NRG3: variants seen among roughly 807,000 people sequenced by gnomAD.
The protein encoded by NRG3 is neuregulin 3, also known as pro-neuregulin-3, membrane-bound isoform.
NRG3 carries 31 observed loss-of-function variants against 66.9 expected under a neutral mutation model. That is an observed-to-expected ratio of 0.46 (90% CI 0.35 to 0.63). The LOEUF is 0.63. NRG3 is among the 20% of genes least tolerant of loss of function. NRG3 has a pLI of 0.00. For synonymous variants in NRG3, 393 were observed against 359.4 expected, an observed-to-expected ratio of 1.09 and a Z score of -1.06; for missense variants, 910 against 878.9, an observed-to-expected ratio of 1.04 and a Z score of -0.45.
At chr10:82,360,614 C>T (rs1485815334) in intron 2 of NRG3, among the ~76,000 whole-genome samples, 5 of 152,118 alleles carry the variant, frequency 3.3e-5, no homozygotes, top group Non-Finnish European at 7.3e-5. Context: ...ATGCTGTATT[C>T]TTCATTACTT....
intron 2 of NRG3, among the ~76,000 whole-genome samples, chr10:82,696,750 A>AG (rs2055415690): frequency 6.6e-6 from 1 of 152,150 alleles, no homozygotes; most frequent in Non-Finnish European, 1.5e-5. Context: ...TGCTCACAGG[A>AG]GTGTGTTCAA....
chr10:82,983,679 T>G (rs1853155777), intron 8 of NRG3, among the ~76,000 whole-genome samples: 2 of 152,176 alleles, frequency 1.3e-5, no homozygotes, highest in East Asian at 3.8e-4. Context: ...AAAAATAAAA[T>G]GAGTTAATTG....
chr10:82,315,707 C>T (rs1345918551), intron 1 of NRG3, among the ~76,000 whole-genome samples: 1 of 150,870 alleles, frequency 6.6e-6, no homozygotes, highest in South Asian at 2.1e-4. Context: ...ACTCTGTCGC[C>T]GAGGCTGGAG....
chr10:82,540,464 A>G (rs1167096555), intron 2 of NRG3, among the ~76,000 whole-genome samples: 1 of 151,720 alleles, frequency 6.6e-6, no homozygotes, highest in Non-Finnish European at 1.5e-5. Flanking sequence ...GTATGTGTGC[A>G]TGTGTGAGTG....
chr10:82,728,800 G>T (rs2057747046), intron 2 of NRG3, among the ~76,000 whole-genome samples: 1 of 152,160 alleles, frequency 6.6e-6, no homozygotes. Context: ...ATCATGGGGG[G>T]TAGATGTGAC....
chr10:82,893,609 A>C (rs2136139021), intron 4 of NRG3, among the ~76,000 whole-genome samples: 1 of 152,250 alleles, frequency 6.6e-6, no homozygotes, highest in Middle Eastern at 3.4e-3. Context: ...AATCATTTGA[A>C]CCAGGGAGTA....
At chr10:82,387,082 A>G (rs1395096553) in intron 2 of NRG3, among the ~76,000 whole-genome samples, 1 of 152,198 alleles carries the variant, frequency 6.6e-6, no homozygotes, top group Non-Finnish European at 1.5e-5. Context: ...TTATAGGCGT[A>G]AGCCACCGCA....
At chr10:82,486,483 T>C (rs562313715) in intron 2 of NRG3, among the ~76,000 whole-genome samples, 1 of 152,130 alleles carries the variant, frequency 6.6e-6, no homozygotes, top group African/African-American at 2.4e-5. Flanking sequence ...GGTGCAATCT[T>C]GGCTCACTGC....
chr10:82,643,263 GT>G (rs767301179), intron 2 of NRG3, among the ~76,000 whole-genome samples: 6 of 152,024 alleles, frequency 3.9e-5, no homozygotes, highest in Non-Finnish European at 8.8e-5. Context: ...TTCCTGTGCT[GT>G]TATTGTGATA....
chr10:82,581,527 T>C (rs1256527285), intron 2 of NRG3, among the ~76,000 whole-genome samples: 1 of 152,004 alleles, frequency 6.6e-6, no homozygotes, highest in Non-Finnish European at 1.5e-5. Context: ...CCCAAAATTA[T>C]AGAGATAGAA....
chr10:82,299,661 C>A (rs915974395), intron 1 of NRG3, among the ~76,000 whole-genome samples: 1 of 151,818 alleles, frequency 6.6e-6, no homozygotes, highest in Non-Finnish European at 1.5e-5. Context: ...TATCCTGTTA[C>A]AATATCAGAG....
intron 2 of NRG3, among the ~76,000 whole-genome samples, chr10:82,683,081 C>A (rs920491525): frequency 2.7e-5 from 4 of 150,088 alleles, no homozygotes; most frequent in African/African-American, 9.8e-5. Context: ...GCCTTAGCCT[C>A]CTGAACAGCT....
chr10:81,884,422 G>GTTTA (rs1842437956), intron 1 of NRG3, among the ~76,000 whole-genome samples: 1 of 152,092 alleles, frequency 6.6e-6, no homozygotes, highest in Non-Finnish European at 1.5e-5. Context: ...TTGTCTTCTT[G>GTTTA]TTTATTTTTT....
At chr10:82,910,448 G>A (rs1845212446) in intron 4 of NRG3, among the ~76,000 whole-genome samples, 1 of 152,224 alleles carries the variant, frequency 6.6e-6, no homozygotes, top group African/African-American at 2.4e-5. Context: ...AACTTGCTGT[G>A]TTAGGCATAA....
At chr10:82,050,081 G>A (rs2881607) in intron 1 of NRG3, among the ~76,000 whole-genome samples, 91,960 of 151,662 alleles carry the variant, frequency 0.61, 29,368 homozygotes, top group South Asian at 0.82. Flanking sequence ...GAACAGATAT[G>A]CTAAGATGGA....
chr10:82,046,187 T>C (rs2063285913), intron 1 of NRG3, among the ~76,000 whole-genome samples: 1 of 148,910 alleles, frequency 6.7e-6, no homozygotes, highest in African/African-American at 2.5e-5. Context: ...ATATTGATTC[T>C]TCTTACCCAT....
chr10:82,511,733 C>A (rs1845183348), intron 2 of NRG3, among the ~76,000 whole-genome samples: 1 of 152,036 alleles, frequency 6.6e-6, no homozygotes, highest in Admixed American at 6.6e-5. Context: ...TTCACGTAGC[C>A]TTGGATGTCC....
intron 2 of NRG3, among the ~76,000 whole-genome samples, chr10:82,377,650 G>C (rs2085340941): frequency 6.6e-6 from 1 of 152,136 alleles, no homozygotes; most frequent in South Asian, 2.1e-4. Flanking sequence ...GAGCACAAAG[G>C]GGAAATGACT....
chr10:82,046,017 G>T (rs1161398002), intron 1 of NRG3, among the ~76,000 whole-genome samples: 1 of 144,128 alleles, frequency 6.9e-6, no homozygotes, highest in Non-Finnish European at 1.5e-5. Context: ...CTCCAGGTTT[G>T]TTCTTTTGGC....
Sources: allele counts gnomAD v4.1 joint callset (sites outside exome capture counted in the v4.1 genomes callset), GRCh38; gene constraint gnomAD v4.1.1; transcripts MANE v1.5; gene names NCBI Gene and HGNC (gene_info 2026-07-23, HGNC 2026-07-21).